The following THNSL1 variants were observed in gnomAD, a reference collection of about 807,000 sequenced individuals.
The protein encoded by THNSL1 is threonine synthase like 1.
Under a neutral mutation model 50.4 loss-of-function variants are expected in THNSL1, and 48 were observed. The observed-to-expected ratio is 0.95, with a 90% confidence interval of 0.76 to 1.21. The LOEUF (loss-of-function observed/expected upper bound fraction) is 1.21, where lower values mean the gene tolerates loss of function less well. Ranked by LOEUF, THNSL1 falls within the 50% of genes most tolerant of loss-of-function variation. The pLI, the probability that THNSL1 is intolerant of heterozygous loss-of-function variation, is 0.00. For synonymous variants in THNSL1, 309 were observed against 306.1 expected, an observed-to-expected ratio of 1.01 and a Z score of -0.10; for missense variants, 896 against 871.7, an observed-to-expected ratio of 1.03 and a Z score of -0.35.
the THNSL1 span, among the ~76,000 whole-genome samples, chr10:24,976,311 GA>G: frequency 2.1e-3 from 324 of 152,116 alleles, 1 homozygote; most frequent in African/African-American, 7.1e-3. Flanking sequence ...CTCAGCACTG[GA>G]AAAATACAAT....
the THNSL1 span, among the ~76,000 whole-genome samples, chr10:24,958,803 G>A: frequency 6.6e-6 from 1 of 152,274 alleles, no homozygotes; most frequent in Non-Finnish European, 1.5e-5. Flanking sequence ...AGCAGTAAGC[G>A]CTGGGCAGTT....
chr10:24,958,367 A>G, the THNSL1 span, among the ~76,000 whole-genome samples: 2 of 152,084 alleles, frequency 1.3e-5, no homozygotes, highest in Non-Finnish European at 2.9e-5. Context: ...GCCGAACAAA[A>G]CTCTTTACAA....
intron 1 of THNSL1, among the ~76,000 whole-genome samples, chr10:25,018,338 C>T (rs1294571507): frequency 6.6e-6 from 1 of 152,164 alleles, no homozygotes; most frequent in Non-Finnish European, 1.5e-5. Context: ...GTGTCCACCG[C>T]ATGTCCACAG....
the THNSL1 span, among the ~76,000 whole-genome samples, chr10:25,010,308 T>C: frequency 6.6e-6 from 1 of 152,084 alleles, no homozygotes; most frequent in Non-Finnish European, 1.5e-5. Context: ...AACTTCGAAT[T>C]TGAGAGAGAT....
At position 25,025,310 on chromosome 10, in the gene THNSL1, G is replaced by T. The variant is rs1850827029; in HGVS notation, c.2087G>T (p.Gly696Val). The T allele has an allele frequency of 1.2e-6, 2 of 1,614,156 alleles. No individual in the cohort carries two copies. The highest frequency in any genetic ancestry group is 4.5e-5 in the East Asian group (2 of 44,888). Residue 696 changes from glycine (G) to valine (V), a missense_variant, in exon 3 of 3, where the codon GGT becomes GTT. Coordinates refer to ENST00000376356, the MANE Select transcript of THNSL1 (RefSeq NM_024838.5). ...TCATCAAGTCAGCTCTATTTGCTGG[G>T]TTCATACAATGCATTACCTCCACTG... ...ETSSSQLYLL[G>V]SYNALPPLHE... is the part of the protein sequence containing the mutation.
At chr10:24,955,137 T>C in the THNSL1 span, among the ~76,000 whole-genome samples, 2 of 152,172 alleles carry the variant, frequency 1.3e-5, no homozygotes, top group Non-Finnish European at 2.9e-5. Flanking sequence ...CGTCTTACCA[T>C]GGCAGAGCAG....
the THNSL1 span, among the ~76,000 whole-genome samples, chr10:25,007,316 ATTG>A: frequency 6.6e-6 from 1 of 152,186 alleles, no homozygotes; most frequent in Non-Finnish European, 1.5e-5. Flanking sequence ...TTTAAGGAGT[ATTG>A]TTGTCATATT....
the THNSL1 span, among the ~76,000 whole-genome samples, chr10:24,978,146 T>C: frequency 6.6e-6 from 1 of 152,206 alleles, no homozygotes; most frequent in African/African-American, 2.4e-5. Context: ...ATCTTTCAGT[T>C]TGCAGGTATA....
chr10:25,022,884 A>G (rs1850752856), intron 2 of THNSL1, among the ~76,000 whole-genome samples: 1 of 152,210 alleles, frequency 6.6e-6, no homozygotes, highest in Non-Finnish European at 1.5e-5. Context: ...AAGCATCTAC[A>G]ATCTGGCACT....
chr10:24,957,879 A>G, the THNSL1 span, among the ~76,000 whole-genome samples: 1 of 152,212 alleles, frequency 6.6e-6, no homozygotes, highest in Non-Finnish European at 1.5e-5. Flanking sequence ...TCTGCATTTT[A>G]AATTCTGTAA....
chr10:24,952,621 C>T, the THNSL1 span: 1 of 1,369,936 alleles, frequency 7.3e-7, no homozygotes, highest in Non-Finnish European at 9.6e-7. The surrounding 1 kb of genome is among the most constrained non-coding windows in gnomAD (Gnocchi z 5.1). Flanking sequence ...CGGGAAGGAG[C>T]AGGGAGGGCG....
chr10:24,981,131 G>A, the THNSL1 span, among the ~76,000 whole-genome samples: 10 of 152,134 alleles, frequency 6.6e-5, no homozygotes, highest in African/African-American at 2.2e-4. Flanking sequence ...TTTAAAAATC[G>A]ATGTCCAGGC....
At chr10:24,973,847 G>T in the THNSL1 span, among the ~76,000 whole-genome samples, 1 of 152,036 alleles carries the variant, frequency 6.6e-6, no homozygotes, top group Non-Finnish European at 1.5e-5. Flanking sequence ...TCCGCTCCCT[G>T]GGTTCATGTG....
At chr10:24,974,278 T>TAA in the THNSL1 span, among the ~76,000 whole-genome samples, 29 of 147,554 alleles carry the variant, frequency 2.0e-4, no homozygotes, top group African/African-American at 6.7e-4. Context: ...GATGTGATTT[T>TAA]TAAAAAAAAA....
chr10:24,998,506 T>C, the THNSL1 span, among the ~76,000 whole-genome samples: 1 of 152,090 alleles, frequency 6.6e-6, no homozygotes, highest in East Asian at 1.9e-4. Flanking sequence ...TCCAGAGTAG[T>C]GAAGACTACA....
At chr10:25,018,811 C>G (rs1238763350) in intron 1 of THNSL1, among the ~76,000 whole-genome samples, 17 of 151,892 alleles carry the variant, frequency 1.1e-4, no homozygotes, top group Non-Finnish European at 2.2e-4. Flanking sequence ...ATTGTGGATA[C>G]TAAAGTTTTC....
At chr10:24,952,518 T>A in the THNSL1 span, 389 of 1,583,772 alleles carry the variant, frequency 2.5e-4, 4 homozygotes, top group East Asian at 3.2e-3. The surrounding 1 kb of genome is among the most constrained non-coding windows in gnomAD (Gnocchi z 5.1). Flanking sequence ...AATAGGGAGT[T>A]TGCATTTACC....
chr10:25,006,482 T>G, the THNSL1 span, among the ~76,000 whole-genome samples: 2 of 152,166 alleles, frequency 1.3e-5, no homozygotes, highest in Non-Finnish European at 2.9e-5. Flanking sequence ...AGGATCTTTC[T>G]TCCTTGATGG....
At chr10:24,990,372 G>C in the THNSL1 span, 1 of 1,471,242 alleles carries the variant, frequency 6.8e-7, no homozygotes, top group African/African-American at 1.4e-5. Flanking sequence ...CAAAATCCAA[G>C]TGCTGACTTT....
Sources: gnomAD v4.1 joint callset for allele counts (sites outside exome capture counted in the v4.1 genomes callset) on GRCh38, gnomAD v4.1.1 for gene constraint, Gnocchi (gnomAD v3.1) non-coding constraint, MANE v1.5 for transcripts, NCBI Gene and HGNC (gene_info 2026-07-23, HGNC 2026-07-21) for gene names.